The following ARFGAP1 variants were observed in gnomAD, a reference collection of about 807,000 sequenced individuals.
The protein encoded by ARFGAP1 is ARF GTPase activating protein 1, also known as ADP-ribosylation factor GTPase-activating protein 1.
In ARFGAP1, 26 loss-of-function variants were observed where a neutral mutation model predicts 54.0. The ratio of observed to expected loss-of-function variants is 0.48; its 90% CI spans 0.35 to 0.67. ARFGAP1 has a LOEUF of 0.67. Ranked by LOEUF, ARFGAP1 falls within the 30% of genes least tolerant of loss-of-function variation. The probability of loss-of-function intolerance (pLI) is 0.00; values close to 1 mark genes in which losing one functional copy is unlikely to be tolerated. For missense variants in ARFGAP1, 525 were observed against 535.8 expected, an observed-to-expected ratio of 0.98 and a Z score of 0.20; for synonymous variants, 248 against 211.9, an observed-to-expected ratio of 1.17 and a Z score of -1.48.
chr20:63,272,998 G>T, intron 1 of ARFGAP1, 78 bp downstream of exon 1: 1 of 151,954 alleles, frequency 6.6e-6, no homozygotes, highest in East Asian at 1.9e-4. Flanking sequence ...TTCGCGGGCG[G>T]ACCTCCCTGC....
At chr20:63,277,384 C>A in intron 5 of ARFGAP1, 79 bp downstream of exon 5, 1 of 1,255,286 alleles carries the variant, frequency 8.0e-7, no homozygotes, top group Non-Finnish European at 1.1e-6. Flanking sequence ...ACAGAATTCT[C>A]CCCTTCTTTG....
At chr20:63,274,505 C>T (rs2067186246) in intron 1 of ARFGAP1, among the ~76,000 whole-genome samples, 1 of 152,136 alleles carries the variant, frequency 6.6e-6, no homozygotes. Flanking sequence ...GTCAGCAGTA[C>T]ACACGTGTGT....
chr20:63,275,909 G>A (rs537715480), intron 2 of ARFGAP1, among the ~76,000 whole-genome samples, 182 bp from the exon 3 acceptor site: 3 of 152,250 alleles, frequency 2.0e-5, no homozygotes, highest in Admixed American at 1.3e-4. Context: ...GGTCCGCCTC[G>A]TCTTCCCATC....
At chr20:63,281,208 C>A in intron 7 of ARFGAP1, 83 bp from the exon 8 acceptor site, 1 of 1,453,004 alleles carries the variant, frequency 6.9e-7, no homozygotes, top group Non-Finnish European at 9.3e-7. Flanking sequence ...TGCCTTGGTC[C>A]TCTTCCTTGC....
At chr20:63,275,729 A>G in intron 2 of ARFGAP1, 89 bp downstream of exon 2, 1 of 1,299,870 alleles carries the variant, frequency 7.7e-7, no homozygotes, top group South Asian at 1.2e-5. Context: ...TAGTTCTGGG[A>G]CCCTCCTGCA....
rs374163888 is a variant in ARFGAP1 at position 63,278,219 on chromosome 20, C to G, written c.530+16C>G. The G allele has an allele frequency of 5.0e-6, 8 of 1,611,372 alleles. No homozygotes were observed. The highest frequency in any genetic ancestry group is 6.8e-6 in the Non-Finnish European group (8 of 1,179,256). On this transcript the variant is annotated intron_variant, in intron 6 of 12. Coordinates refer to ENST00000370283, the MANE Select transcript of ARFGAP1 (RefSeq NM_018209.4). ...CCTATCAAGGGTAAGGACTTGAGAG[C>G]TGGGGACGCCTGGCGTGGGCCAGGC...
intron 8 of ARFGAP1, among the ~76,000 whole-genome samples, chr20:63,282,280 G>A (rs577773676): frequency 2.0e-4 from 30 of 152,348 alleles, no homozygotes; most frequent in East Asian, 1.2e-3. Context: ...CCGTTTTCTC[G>A]TCTGCACGGG....
At position 63,287,822 on chromosome 20, in the gene ARFGAP1, A is replaced by G; in HGVS notation, c.1170A>G (p.Ala390=). The G allele has an allele frequency of 1.3e-6, 2 of 1,585,322 alleles. No individual in the cohort carries two copies. The highest frequency in any genetic ancestry group is 2.3e-5 in the South Asian group (2 of 87,538). Reference sequence around the variant, plus strand: ...AGGGCGGGGAGGGCACCAAGAAGGCAGTGCCGCCGGCCGTGCCCACTGATG... The same window carrying G: ...AGGGCGGGGAGGGCACCAAGAAGGCGGTGCCGCCGGCCGTGCCCACTGATG... ...GGEGGEGTKK[A]VPPAVPTDDG... Residue 390 remains alanine, a synonymous_variant, in exon 13 of 13, where the codon GCA becomes GCG. Transcript: ENST00000370283.
chr20:63,286,710 C>A, intron 12 of ARFGAP1: 1 of 322,080 alleles, frequency 3.1e-6, no homozygotes, highest in Non-Finnish European at 6.0e-6. Context: ...TGTCTCTGCC[C>A]TGCTGTGTGC....
intron 7 of ARFGAP1, among the ~76,000 whole-genome samples, chr20:63,280,026 C>G (rs1041583310): frequency 6.6e-6 from 1 of 152,082 alleles, no homozygotes; most frequent in African/African-American, 2.4e-5. Context: ...CTTGTAGCCC[C>G]AGCTACTGAG....
chr20:63,282,003 A>C (rs953737074), intron 8 of ARFGAP1, among the ~76,000 whole-genome samples: 4 of 152,140 alleles, frequency 2.6e-5, no homozygotes, highest in Non-Finnish European at 5.9e-5. Flanking sequence ...CACCTGTCAG[A>C]TGTCCCCGTG....
chr20:63,285,300 C>T (rs2067501437), intron 10 of ARFGAP1, among the ~76,000 whole-genome samples: 1 of 152,180 alleles, frequency 6.6e-6, no homozygotes, highest in African/African-American at 2.4e-5. Context: ...GGAATGATGC[C>T]TGCCATCCTA....
chr20:63,287,911 C>G lies in ARFGAP1; in HGVS notation c.*38C>G. The G allele has an allele frequency of 6.8e-7, 1 of 1,468,630 alleles. No individual in the cohort carries two copies. Among genetic ancestry groups the G allele is most frequent in the Non-Finnish European group, 9.0e-7 (1 of 1,109,996 alleles). The allele number at this position is 1,468,630 out of a possible 1,614,324, so 91.0% of individuals were successfully genotyped here. On this transcript the variant is annotated 3_prime_UTR_variant, in exon 13 of 13. Coordinates refer to ENST00000370283, the MANE Select transcript of ARFGAP1 (RefSeq NM_018209.4). The stretch of plus-strand genomic sequence containing the variant: ...CCCCGTCCCCAGCGCCCCCGGGCGA[C>G]TTCGTGTTTGCACTCTGCCCTCGTC...
intron 7 of ARFGAP1, 99 bp downstream of exon 7, chr20:63,279,094 T>C: frequency 1.6e-6 from 2 of 1,213,508 alleles, no homozygotes; most frequent in Non-Finnish European, 1.2e-6. Flanking sequence ...GAACATGTGC[T>C]CTTTGCCTTG....
chr20:63,288,662 G>A lies in ARFGAP1; in HGVS notation c.*789G>A. On this transcript the variant is annotated 3_prime_UTR_variant, in exon 13 of 13. Coordinates refer to ENST00000370283, the MANE Select transcript of ARFGAP1 (RefSeq NM_018209.4). Reference sequence around the variant, plus strand: ...TGCGATAGCGGACGTGGCCAGGCAGGAGGGGCCGGGTTCAGGAGCTGAGCA... The same window carrying A: ...TGCGATAGCGGACGTGGCCAGGCAGAAGGGGCCGGGTTCAGGAGCTGAGCA... 7.9e-6 allele frequency: 3 copies of A among 379,904 alleles called. No individual in the cohort carries two copies. Among genetic ancestry groups the A allele is most frequent in the South Asian group, 5.7e-5 (3 of 52,954 alleles). 23.5% of individuals were successfully genotyped at this position (379,904 alleles called of 1,614,324 possible).
At chr20:63,277,746 T>C (rs1245348011) in intron 5 of ARFGAP1, among the ~76,000 whole-genome samples, 1 of 152,190 alleles carries the variant, frequency 6.6e-6, no homozygotes, top group Non-Finnish European at 1.5e-5. Flanking sequence ...CCTCCCCACC[T>C]CATCTGGAGC....
intron 9 of ARFGAP1, chr20:63,284,250 C>G: frequency 8.5e-7 from 1 of 1,178,550 alleles, no homozygotes; most frequent in African/African-American, 1.6e-5. Flanking sequence ...CTCCCTTGAA[C>G]GCAGTGCAAA....
intron 7 of ARFGAP1, among the ~76,000 whole-genome samples, chr20:63,280,614 G>A (rs2067355321): frequency 6.6e-6 from 1 of 152,258 alleles, no homozygotes; most frequent in South Asian, 2.1e-4. Context: ...GGCCGCTGAC[G>A]GCCATGGTTG....
At chr20:63,286,829 C>T (rs1287106491) in intron 12 of ARFGAP1, 2 of 228,984 alleles carry the variant, frequency 8.7e-6, no homozygotes, top group Non-Finnish European at 1.7e-5. Flanking sequence ...GTTCCTCTGT[C>T]TCCCAGACTC....
Sources: gnomAD v4.1 joint callset for allele counts (sites outside exome capture counted in the v4.1 genomes callset) on GRCh38, gnomAD v4.1.1 for gene constraint, MANE v1.5 for transcripts, NCBI Gene and HGNC (gene_info 2026-07-23, HGNC 2026-07-21) for gene names.